TRPC5: variants seen among roughly 807,000 people sequenced by gnomAD.
TRPC5 encodes the protein short transient receptor potential channel 5.
TRPC5 carries 9 observed loss-of-function variants against 56.5 expected under a neutral mutation model. The ratio of observed to expected loss-of-function variants is 0.16; its 90% CI spans 0.10 to 0.28. The LOEUF (loss-of-function observed/expected upper bound fraction) is 0.28. Among genes scored for constraint, TRPC5 ranks in the 10% least tolerant of loss-of-function variants. The pLI, the probability that TRPC5 is intolerant of heterozygous loss-of-function variation, is 1.00. For synonymous variants in TRPC5, 282 were observed against 278.5 expected, an observed-to-expected ratio of 1.01 and a Z score of -0.13; for missense variants, 469 against 748.9, an observed-to-expected ratio of 0.63 and a Z score of 4.36.
At chrX:111,779,904 T>C (rs2148548435) in intron 9 of TRPC5, among the ~76,000 whole-genome samples, 1 of 112,097 alleles carries the variant, frequency 8.9e-6, no homozygotes, top group African/African-American at 3.2e-5. Context: ...AATCATTTTT[T>C]TTTGTTATTG....
intron 1 of TRPC5, among the ~76,000 whole-genome samples, chrX:112,068,804 C>T (rs1178125144): frequency 8.9e-6 from 1 of 112,112 alleles, no homozygotes; most frequent in Non-Finnish European, 1.9e-5. Flanking sequence ...ATGCCTTTAC[C>T]TCTCAGGTAC....
intron 1 of TRPC5, among the ~76,000 whole-genome samples, chrX:112,022,632 A>C (rs1289977841): frequency 8.9e-6 from 1 of 112,308 alleles, no homozygotes; most frequent in Admixed American, 9.4e-5. Flanking sequence ...GGACTCTAGA[A>C]AAGGCATGGT....
At chrX:111,914,650 CTG>C (rs1213089485) in intron 2 of TRPC5, among the ~76,000 whole-genome samples, 1 of 112,267 alleles carries the variant, frequency 8.9e-6, no homozygotes, top group Non-Finnish European at 1.9e-5. Context: ...CGAGTAAACA[CTG>C]TTAAACATTT....
chrX:111,869,814 T>C (rs1923684419), intron 3 of TRPC5, among the ~76,000 whole-genome samples: 1 of 110,206 alleles, frequency 9.1e-6, no homozygotes, highest in Middle Eastern at 4.3e-3. Context: ...GTTCTGGAAG[T>C]AAAGGGGAGT....
intron 1 of TRPC5, among the ~76,000 whole-genome samples, chrX:112,072,132 A>G (rs1190470123): frequency 2.7e-5 from 3 of 112,095 alleles, no homozygotes; most frequent in Non-Finnish European, 5.6e-5. Flanking sequence ...TATGGTAACG[A>G]GGAGCACGAA....
chrX:111,890,444 G>A (rs955273886), intron 3 of TRPC5, among the ~76,000 whole-genome samples: 3 of 112,017 alleles, frequency 2.7e-5, no homozygotes, highest in African/African-American at 9.7e-5. Flanking sequence ...AGGCTTTAAG[G>A]TATATGAGGG....
chrX:111,923,593 A>T (rs1337957521), intron 2 of TRPC5, among the ~76,000 whole-genome samples: 1 of 110,410 alleles, frequency 9.1e-6, no homozygotes, highest in Non-Finnish European at 1.9e-5. Flanking sequence ...CCACCCTGGG[A>T]TGGATATTAG....
intron 2 of TRPC5, among the ~76,000 whole-genome samples, chrX:111,950,324 C>CAA (rs759300275): frequency 3.7e-3 from 355 of 94,673 alleles, no homozygotes; most frequent in Non-Finnish European, 5.7e-3. Context: ...GACTCCATCT[C>CAA]AAAAAAAAAA....
At chrX:111,880,276 T>C (rs1219557041) in intron 3 of TRPC5, among the ~76,000 whole-genome samples, 1 of 112,142 alleles carries the variant, frequency 8.9e-6, no homozygotes, top group Non-Finnish European at 1.9e-5. Context: ...GTTGTGTCTA[T>C]ATGTGCTTGC....
intron 2 of TRPC5, among the ~76,000 whole-genome samples, chrX:111,923,769 A>G (rs1926186567): frequency 8.9e-6 from 1 of 111,851 alleles, no homozygotes; most frequent in Non-Finnish European, 1.9e-5. Flanking sequence ...ATGAATCAAA[A>G]AATGAGTCAA....
At chrX:112,012,422 G>A (rs1176505467) in intron 1 of TRPC5, among the ~76,000 whole-genome samples, 1 of 109,519 alleles carries the variant, frequency 9.1e-6, no homozygotes, top group Non-Finnish European at 1.9e-5. Context: ...GAAGTTGCAG[G>A]CAGCCAGGAT....
rs199898871 is a variant in TRPC5, at chrX:112,013,616, A to AT, written c.-21-61176dup. Among the ~76,000 whole-genome samples the AT allele has an allele frequency of 8.8e-3, 982 of 111,673 alleles. 34 individuals are homozygous for AT. The highest frequency in any genetic ancestry group is 0.083 in the Admixed American group (866 of 10,482). On this transcript the variant is annotated intron_variant, in intron 1 of 10. Transcript: ENST00000262839. ...AGGCAGAGGCAGGGCCCAAACTGAG[A>AT]TATGTCTGACTCCTGCTTCCTTCAT...
rs1374734238 is a variant in TRPC5, at chrX:111,812,785, T to A, written c.1896+22136A>T. ...ATACATTAATTCATTCAAAAATATG[T>A]GTTGATTGTCTGCCAGATGCTAGGT... On this transcript the variant is annotated intron_variant, in intron 7 of 10. Transcript: ENST00000262839. Among the ~76,000 whole-genome samples, 3 of 112,278 alleles carry A rather than the reference T, an allele frequency of 2.7e-5. No homozygotes were observed. In the East Asian group the frequency reaches 8.4e-4, roughly 31 times the overall value.
At position 111,768,321 on chromosome X, in the gene TRPC5, T is replaced by C. The variant is rs993315315; in HGVS notation, c.*7992A>G. Among the ~76,000 whole-genome samples the C allele has an allele frequency of 2.7e-5, 3 of 112,176 alleles. No individual in the cohort carries two copies. The highest frequency in any genetic ancestry group is 5.6e-5 in the Non-Finnish European group (3 of 53,184). On this transcript the variant is annotated 3_prime_UTR_variant, in exon 11 of 11. Transcript: ENST00000262839. ...ATGTGGTTGGGGCTGCCAACTAGGC[T>C]TAGAAGGTGAATTACACATAGCTCG...
At chrX:111,979,830 G>T (rs1243676295) in intron 1 of TRPC5, among the ~76,000 whole-genome samples, 3 of 111,665 alleles carry the variant, frequency 2.7e-5, no homozygotes, top group Non-Finnish European at 3.8e-5. Context: ...TACCAAGCGT[G>T]GGTGAGAATG....
intron 1 of TRPC5, among the ~76,000 whole-genome samples, chrX:111,964,449 A>G (rs1305359472): frequency 3.6e-5 from 4 of 111,970 alleles, no homozygotes; most frequent in Non-Finnish European, 5.6e-5. Flanking sequence ...GCAGGCCAAC[A>G]TTCAGATTCA....
At chrX:112,031,664 T>A (rs1929589298) in intron 1 of TRPC5, among the ~76,000 whole-genome samples, 1 of 109,895 alleles carries the variant, frequency 9.1e-6, no homozygotes, top group Non-Finnish European at 1.9e-5. Flanking sequence ...CATAGATAAA[T>A]AGATATATAT....
chrX:112,064,871 G>A (rs1006692580), intron 1 of TRPC5, among the ~76,000 whole-genome samples: 38 of 110,499 alleles, frequency 3.4e-4, no homozygotes, highest in African/African-American at 1.2e-3. Flanking sequence ...TCAGGAGATC[G>A]AGACCATCCT....
chrX:112,048,577 G>A (rs1454444437), intron 1 of TRPC5, among the ~76,000 whole-genome samples: 2 of 108,491 alleles, frequency 1.8e-5, no homozygotes, highest in South Asian at 3.9e-4. Flanking sequence ...TGTGAGGGAG[G>A]GAAGGATTAC....
Sources: gnomAD v4.1 joint callset for allele counts (sites outside exome capture counted in the v4.1 genomes callset) on GRCh38, gnomAD v4.1.1 for gene constraint, MANE v1.5 for transcripts, NCBI Gene and HGNC (gene_info 2026-07-23, HGNC 2026-07-21) for gene names.